The following DUSP14 variants were observed in gnomAD, a reference collection of about 807,000 sequenced individuals.
The protein encoded by DUSP14 is dual specificity phosphatase 14.
DUSP14 carries 5 observed loss-of-function variants against 13.2 expected under a neutral mutation model. The ratio of observed to expected loss-of-function variants is 0.38; its 90% CI spans 0.20 to 0.80. The LOEUF (loss-of-function observed/expected upper bound fraction) is 0.80. DUSP14 is among the 30% of genes least tolerant of loss of function. The pLI is 0.44. For missense variants in DUSP14, 185 were observed against 264.0 expected (o/e 0.70, Z 2.07); for synonymous variants, 91 against 103.4 (o/e 0.88, Z 0.73).
At position 37,503,546 on chromosome 17, in the gene DUSP14, C is replaced by T. The variant is rs909312740; in HGVS notation, c.-180-7131C>T. ...GAACAACACTCAGCAGGGTGTTGAC[C>T]GCATTATATAAACTCAGTGAAAGAC... is the stretch of plus-strand genomic sequence containing the variant. On this transcript the variant is annotated intron_variant, in intron 1 of 2. Coordinates refer to ENST00000617516, the MANE Select transcript of DUSP14 (RefSeq NM_007026.4). Among the ~76,000 whole-genome samples the T allele has an allele frequency of 2.6e-5, 4 of 152,124 alleles. No homozygotes were observed. In the South Asian group the frequency reaches 8.3e-4, roughly 32 times the overall value.
intron 1 of DUSP14, among the ~76,000 whole-genome samples, chr17:37,503,613 G>A (rs1568202463): frequency 6.6e-6 from 1 of 152,142 alleles, no homozygotes; most frequent in African/African-American, 2.4e-5. Flanking sequence ...CACCAAGGTG[G>A]GTGAGGACCA....
In DUSP14 at chr17:37,512,920, C is replaced by T. The variant is rs189447455; in HGVS notation, c.*51C>T. 3.2e-5 allele frequency: 46 copies of T among 1,458,340 alleles called. No individual in the cohort carries two copies. The highest frequency in any genetic ancestry group is 1.8e-4 in the Middle Eastern group (1 of 5,574). The allele number at this position is 1,458,340 out of a possible 1,614,324, so 90.3% of individuals were successfully genotyped here. A position where few individuals can be genotyped will look rare whatever the true frequency, so the allele number is the denominator to read the frequency against. ...CCGAGCGGGGCCGGCATCTGCTCCCCGCCGTCTGCTCCCTCTCCACTCTCT... is the reference window on the plus strand; with the variant it reads ...CCGAGCGGGGCCGGCATCTGCTCCCTGCCGTCTGCTCCCTCTCCACTCTCT... On this transcript the variant is annotated 3_prime_UTR_variant, in exon 3 of 3. Coordinates refer to ENST00000617516, the MANE Select transcript of DUSP14 (RefSeq NM_007026.4). The surrounding 1 kb of genome is among the most constrained non-coding windows in gnomAD (Gnocchi z 4.8).
chr17:37,489,886 A>G (rs1271076835), upstream of DUSP14: 4 of 147,438 alleles, frequency 2.7e-5, no homozygotes, highest in African/African-American at 7.4e-5. Context: ...CGCGGCGCCC[A>G]GCCCGCAGAA....
Position 37,509,117 on chromosome 17 carries a change from A to ATGTGTGTATATATATATATATATATG in DUSP14, c.-180-1559_-180-1558insGTGTGTATATATATATATATATATGT, listed in dbSNP as rs1315485762. On this transcript the variant is annotated intron_variant, in intron 1 of 2. Transcript: ENST00000617516. ...AAAAAAAAAACCCATATATATATAT[A>ATGTGTGTATATATATATATATATATG]TATATATATATACACACACACACAC... 7.4e-5 allele frequency among the ~76,000 whole-genome samples: 3 copies of ATGTGTGTATATATATATATATATATG among 40,798 alleles called. 1 individual carries two copies. Among genetic ancestry groups the ATGTGTGTATATATATATATATATATG allele is most frequent in the African/African-American group, 3.4e-4 (3 of 8,850 alleles). 26.8% of individuals were successfully genotyped at this position (40,798 alleles called of 152,430 possible). A position where few individuals can be genotyped will look rare whatever the true frequency, so the allele number is the denominator to read the frequency against.
At chr17:37,490,617 T>C (rs2054021171) in intron 1 of DUSP14, among the ~76,000 whole-genome samples, 1 of 152,148 alleles carries the variant, frequency 6.6e-6, no homozygotes, top group East Asian at 1.9e-4. Context: ...TTGCCAGTGG[T>C]ACCAGCCAGT....
rs2054114396 is a variant in DUSP14, at chr17:37,502,926, A to G, written c.-180-7751A>G. 1.3e-5 allele frequency among the ~76,000 whole-genome samples: 2 copies of G among 152,176 alleles called. 1 individual carries two copies. Among genetic ancestry groups the G allele is most frequent in the Admixed American group, 1.3e-4 (2 of 15,282 alleles). On this transcript the variant is annotated intron_variant, in intron 1 of 2. Coordinates refer to ENST00000617516, the MANE Select transcript of DUSP14 (RefSeq NM_007026.4). ...CGTTCTGTCGCCTAGGTTGGAGTGCAGTGGCGCCATCGTAGCCCCCTACAA... is the reference window on the plus strand; with the variant it reads ...CGTTCTGTCGCCTAGGTTGGAGTGCGGTGGCGCCATCGTAGCCCCCTACAA...
At chr17:37,493,159 C>G (rs573233432) in intron 1 of DUSP14, among the ~76,000 whole-genome samples, 14 of 152,244 alleles carry the variant, frequency 9.2e-5, no homozygotes, top group African/African-American at 3.4e-4. Flanking sequence ...GACAAGGTCT[C>G]ACTATATTGC....
rs2054192725 is a variant in DUSP14 at position 37,512,082 on chromosome 17, T to A, written c.-92-99T>A. The A allele has an allele frequency of 3.6e-6, 2 of 558,138 alleles. No homozygotes were observed. The highest frequency in any genetic ancestry group is 3.2e-6 in the Non-Finnish European group (1 of 317,042). 34.6% of individuals were successfully genotyped at this position (558,138 alleles called of 1,614,324 possible). On this transcript the variant is annotated intron_variant, in intron 2 of 2. Transcript: ENST00000617516. This position sits in a 1 kb window ranked among gnomAD's most constrained non-coding sequence, Gnocchi z 4.8. ...CCTTGAAAGATTGTACTGTATTATT[T>A]AAAAAAAAACCCTCTAATCTTCCCA... is the stretch of plus-strand genomic sequence containing the variant.
intron 1 of DUSP14, among the ~76,000 whole-genome samples, chr17:37,495,893 C>T (rs1395484725): frequency 1.3e-5 from 2 of 151,972 alleles, no homozygotes; most frequent in Non-Finnish European, 2.9e-5. Context: ...CTCATGACCT[C>T]GTGATCCACC....
chr17:37,504,970 C>T (rs2054128655), intron 1 of DUSP14, among the ~76,000 whole-genome samples: 1 of 152,184 alleles, frequency 6.6e-6, no homozygotes, highest in Non-Finnish European at 1.5e-5. Context: ...TGGCTCACTG[C>T]AGCCTCCGCC....
chr17:37,501,730 T>C (rs2054106555), intron 1 of DUSP14, among the ~76,000 whole-genome samples: 1 of 152,186 alleles, frequency 6.6e-6, no homozygotes, highest in African/African-American at 2.4e-5. Flanking sequence ...TTGGCCAGGC[T>C]GGTCATGAAC....
intron 1 of DUSP14, among the ~76,000 whole-genome samples, chr17:37,492,492 C>T (rs564862053): frequency 1.3e-5 from 2 of 152,338 alleles, no homozygotes; most frequent in Admixed American, 6.5e-5. Flanking sequence ...AAATTCATGT[C>T]AGGATTCTGT....
In DUSP14 at chr17:37,511,937, A is replaced by AGTTTTT. The variant is rs1329764853; in HGVS notation, c.-92-244_-92-243insGTTTTT. Among the ~76,000 whole-genome samples the AGTTTTT allele has an allele frequency of 2.1e-3, 35 of 16,434 alleles. 3 individuals carry two copies. The highest frequency in any genetic ancestry group is 9.0e-3 in the South Asian group (3 of 334). The allele number at this position is 16,434 out of a possible 152,430, so 10.8% of individuals were successfully genotyped here. A position where few individuals can be genotyped will look rare whatever the true frequency, so the allele number is the denominator to read the frequency against. ...TGCCCAGCCACCCCCCCCCCACCCC[A>AGTTTTT]CTTTTTTTTTTTTTTTTTTGGACAA... On this transcript the variant is annotated intron_variant, in intron 2 of 2. Coordinates refer to ENST00000617516, the MANE Select transcript of DUSP14 (RefSeq NM_007026.4).
chr17:37,491,676 A>G (rs909709640), intron 1 of DUSP14: 1 of 152,234 alleles, frequency 6.6e-6, no homozygotes, highest in African/African-American at 2.4e-5. Context: ...ATGTATATTC[A>G]TATCATAAAA....
chr17:37,513,050 A>G lies in DUSP14; in HGVS notation c.*181A>G, dbSNP rs553260843. The G allele has an allele frequency of 7.1e-6, 4 of 564,004 alleles. No homozygotes were observed. Among genetic ancestry groups the G allele is most frequent in the African/African-American group, 5.6e-5 (3 of 53,440 alleles). 34.9% of individuals were successfully genotyped at this position (564,004 alleles called of 1,614,324 possible). On this transcript the variant is annotated 3_prime_UTR_variant, in exon 3 of 3. Coordinates refer to ENST00000617516, the MANE Select transcript of DUSP14 (RefSeq NM_007026.4). ...GAGGGGACATAAAGGGAATGCATAC[A>G]TTGCTAGTCACATTTTTAAAATTAA...
chr17:37,500,921 C>G (rs1056085207), intron 1 of DUSP14, among the ~76,000 whole-genome samples: 1 of 152,254 alleles, frequency 6.6e-6, no homozygotes, highest in Non-Finnish European at 1.5e-5. Flanking sequence ...TCCTTTCTTG[C>G]TGCAGTTTCC....
At chr17:37,496,798 C>T (rs1045857618) in intron 1 of DUSP14, among the ~76,000 whole-genome samples, 2 of 151,602 alleles carry the variant, frequency 1.3e-5, no homozygotes, top group Admixed American at 1.3e-4. Context: ...CACCTGTAAT[C>T]TCAGCTACTT....
At position 37,492,692 on chromosome 17, in the gene DUSP14, A is replaced by T. The variant is rs529614342; in HGVS notation, c.-181+2734A>T. On this transcript the variant is annotated intron_variant, in intron 1 of 2. Coordinates refer to ENST00000617516, the MANE Select transcript of DUSP14 (RefSeq NM_007026.4). ...ATTCCCAGAAATCAACATTAGATTTATTGAATTGTGAATTATGTAAAAAAG... is the reference window on the plus strand; with the variant it reads ...ATTCCCAGAAATCAACATTAGATTTTTTGAATTGTGAATTATGTAAAAAAG... Among the ~76,000 whole-genome samples, 10 of 152,334 alleles carry T rather than the reference A, an allele frequency of 6.6e-5. No individual in the cohort carries two copies. The South Asian group carries it at 2.1e-3, about 32-fold the overall frequency.
In DUSP14 at chr17:37,510,762, G is replaced by T. The variant is rs914866230; in HGVS notation, c.-95G>T. ...AGGCAGCGCACACTGGACTCTTGAG[G>T]AAGTGAGTACCCCACCACTGCCTGC... On this transcript the variant is annotated splice_region_variant and 5_prime_UTR_variant, in exon 2 of 3. Transcript: ENST00000617516. 1.3e-5 allele frequency: 2 copies of T among 152,184 alleles called. No homozygotes were observed. Among genetic ancestry groups the T allele is most frequent in the African/African-American group, 4.8e-5 (2 of 41,428 alleles). The allele number at this position is 152,184 out of a possible 1,614,324, so 9.4% of individuals were successfully genotyped here.
Sources: gnomAD v4.1 joint callset for allele counts (sites outside exome capture counted in the v4.1 genomes callset) on GRCh38, gnomAD v4.1.1 for gene constraint, Gnocchi (gnomAD v3.1) non-coding constraint, MANE v1.5 for transcripts, NCBI Gene and HGNC (gene_info 2026-07-23, HGNC 2026-07-21) for gene names.